IREB2: variants seen among roughly 807,000 people sequenced by gnomAD.
IREB2 encodes the protein iron-responsive element-binding protein 2.
A neutral mutation model predicts 118.8 loss-of-function variants in IREB2; 39 were observed. The observed-to-expected ratio is 0.33, with a 90% CI of 0.25 to 0.43. The LOEUF (loss-of-function observed/expected upper bound fraction) is 0.43. Ranked by LOEUF, IREB2 falls within the 20% of genes least tolerant of loss-of-function variation. The probability of loss-of-function intolerance (pLI) is 1.00; values close to 1 mark genes in which losing one functional copy is unlikely to be tolerated. For synonymous variants in IREB2, 372 were observed against 392.2 expected, an observed-to-expected ratio of 0.95 and a Z score of 0.61; for missense variants, 900 against 1,147.3, an observed-to-expected ratio of 0.78 and a Z score of 3.11.
At chr15:78,493,848 T>G (rs111778217) in intron 18 of IREB2, 61 bp from the exon 19 acceptor site, 1 of 1,523,586 alleles carries the variant, frequency 6.6e-7, no homozygotes, top group African/African-American at 1.4e-5. Flanking sequence ...GTCTTACAGC[T>G]CAATAGTATG....
chr15:78,455,054 G>C (rs1340978748), intron 2 of IREB2, among the ~76,000 whole-genome samples: 2 of 152,088 alleles, frequency 1.3e-5, no homozygotes, highest in Non-Finnish European at 2.9e-5. Flanking sequence ...GAGTGGACCA[G>C]CTGCGGGGAC....
At chr15:78,497,442 C>G (rs890530436) in intron 21 of IREB2, 131 bp downstream of exon 21, 34 of 677,970 alleles carry the variant, frequency 5.0e-5, no homozygotes, top group Non-Finnish European at 7.8e-5. Flanking sequence ...AGATGACTCT[C>G]TCTTCCATAC....
chr15:78,438,525 C>A (rs2050791399), intron 1 of IREB2, 169 bp downstream of exon 1: 5 of 718,194 alleles, frequency 7.0e-6, no homozygotes, highest in Non-Finnish European at 1.2e-5. Flanking sequence ...TGAGCCTAGG[C>A]CGCGGAAGCT....
Position 78,497,966 on chromosome 15 carries a change from G to A in IREB2, c.2782-67G>A, listed in dbSNP as rs905626338. ...TAGTCATTAAATATGAAGACAAATGGTCTTAACCATCAAGTAGCACCTGGA... is the reference window on the plus strand; with the variant it reads ...TAGTCATTAAATATGAAGACAAATGATCTTAACCATCAAGTAGCACCTGGA... On this transcript the variant is annotated intron_variant, in intron 21 of 21. Coordinates refer to ENST00000258886, the MANE Select transcript of IREB2 (RefSeq NM_004136.4). 8 of 845,472 alleles carry A rather than the reference G, an allele frequency of 9.5e-6. No individual in the cohort carries two copies. The African/African-American group carries it at 1.3e-4, about 14-fold the overall frequency. 52.4% of individuals were successfully genotyped at this position (845,472 alleles called of 1,614,324 possible).
Position 78,465,314 on chromosome 15 carries a change from T to A in IREB2, c.336T>A (p.Asp112Glu). The A allele has an allele frequency of 6.2e-7, 1 of 1,613,756 alleles. No individual in the cohort carries two copies. The highest frequency in any genetic ancestry group is 8.5e-7 in the Non-Finnish European group (1 of 1,179,820). The change falls in exon 4 of 22, where the codon GAT becomes GAA. Residue 112 changes from aspartate to glutamate, a missense_variant. Transcript: ENST00000258886. ...AGGCAGTGAAAACTCTTGGAGGTGATCCTGAGAAAGTCCATCCTGCTTGTC... is the reference window on the plus strand; with the variant it reads ...AGGCAGTGAAAACTCTTGGAGGTGAACCTGAGAAAGTCCATCCTGCTTGTC... ...MREAVKTLGG[D>E]PEKVHPACPT...
intron 5 of IREB2, among the ~76,000 whole-genome samples, chr15:78,470,213 ACTT>A (rs928153945): frequency 1.5e-4 from 23 of 152,216 alleles, no homozygotes; most frequent in African/African-American, 5.5e-4. Context: ...TGAAGCTACT[ACTT>A]TCCTCTTTTC....
intron 2 of IREB2, among the ~76,000 whole-genome samples, chr15:78,445,928 G>A (rs2050921405): frequency 6.6e-6 from 1 of 152,140 alleles, no homozygotes; most frequent in Non-Finnish European, 1.5e-5. Context: ...GGGACTACAA[G>A]CACATGCCAT....
intron 8 of IREB2, chr15:78,475,427 G>A (rs1315561658): frequency 6.6e-6 from 1 of 152,138 alleles, no homozygotes. Context: ...ATTTGGGCCA[G>A]TAGTTATAAT....
chr15:78,481,735 A>C (rs2141507671), intron 10 of IREB2: 1 of 151,638 alleles, frequency 6.6e-6, no homozygotes, highest in Middle Eastern at 3.4e-3. Context: ...TCTTGACCTC[A>C]AGTGATCCAC....
At chr15:78,478,969 G>T (rs1029237934) in intron 10 of IREB2, among the ~76,000 whole-genome samples, 3 of 152,086 alleles carry the variant, frequency 2.0e-5, no homozygotes, top group African/African-American at 7.2e-5. Flanking sequence ...GACCCAGTCC[G>T]GCTCTTTCAC....
At chr15:78,487,628 T>C (rs2051681939) in intron 13 of IREB2, 105 bp from the exon 14 acceptor site, 2 of 675,360 alleles carry the variant, frequency 3.0e-6, no homozygotes, top group Middle Eastern at 2.9e-4. Flanking sequence ...TCATGAATAG[T>C]CTTTTAAGTA....
At chr15:78,447,700 T>A (rs1401174513) in intron 2 of IREB2, among the ~76,000 whole-genome samples, 5 of 152,208 alleles carry the variant, frequency 3.3e-5, no homozygotes, top group African/African-American at 7.2e-5. Context: ...TCTTCCTGCC[T>A]TGGCCTCCCA....
chr15:78,478,791 A>T (rs2051519086), intron 10 of IREB2, among the ~76,000 whole-genome samples: 2 of 152,214 alleles, frequency 1.3e-5, no homozygotes, highest in African/African-American at 2.4e-5. Context: ...TAGCTGTATA[A>T]CCTTGGGCAA....
At chr15:78,452,119 A>C (rs2051036225) in intron 2 of IREB2, among the ~76,000 whole-genome samples, 1 of 152,310 alleles carries the variant, frequency 6.6e-6, no homozygotes, top group Non-Finnish European at 1.5e-5. Context: ...GAGATGATGT[A>C]CTGGTGGTTG....
At chr15:78,497,439 T>C (rs1035484606) in intron 21 of IREB2, 128 bp downstream of exon 21, 4 of 680,630 alleles carry the variant, frequency 5.9e-6, no homozygotes, top group Non-Finnish European at 7.5e-6. Flanking sequence ...TTAAGATGAC[T>C]CTCTCTTCCA....
upstream of IREB2, chr15:78,438,042 A>G (rs1305480481): frequency 4.2e-6 from 2 of 471,364 alleles, no homozygotes; most frequent in Admixed American, 7.1e-5. Flanking sequence ...GAGCCTCCCC[A>G]GCGCTCCGCC....
chr15:78,491,616 G>A (rs2051752367), intron 18 of IREB2, among the ~76,000 whole-genome samples: 1 of 152,084 alleles, frequency 6.6e-6, no homozygotes, highest in African/African-American at 2.4e-5. Flanking sequence ...TCCTACCTCA[G>A]CCTCCCAACT....
chr15:78,438,257 T>C lies in IREB2; in HGVS notation c.-81T>C. ...TTCCTCCCTTGCCAGTCCGCCTGTC[T>C]TCCTCCCCGTCTTCCCTGCCCGGCC... On this transcript the variant is annotated 5_prime_UTR_variant, in exon 1 of 22. Transcript: ENST00000258886. The C allele has an allele frequency of 9.0e-7, 1 of 1,112,334 alleles. No individual in the cohort carries two copies. Among genetic ancestry groups the C allele is most frequent in the South Asian group, 1.3e-5 (1 of 75,320 alleles). The allele number at this position is 1,112,334 out of a possible 1,614,324, so 68.9% of individuals were successfully genotyped here.
chr15:78,440,870 TG>T (rs1178862449), intron 2 of IREB2, among the ~76,000 whole-genome samples: 1 of 152,182 alleles, frequency 6.6e-6, no homozygotes, highest in African/African-American at 2.4e-5. Flanking sequence ...GAAGAGTGAA[TG>T]TGGGCGACCT....
Sources: gnomAD v4.1 joint callset for allele counts (sites outside exome capture counted in the v4.1 genomes callset) on GRCh38, gnomAD v4.1.1 for gene constraint, MANE v1.5 for transcripts, NCBI Gene and HGNC (gene_info 2026-07-23, HGNC 2026-07-21) for gene names.